Variants in ZNF503 observed in about 807,000 individuals in gnomAD.
ZNF503 encodes the protein NocA-like zinc finger 2.
In ZNF503, 15 loss-of-function variants were observed where a neutral mutation model predicts 34.4. The observed-to-expected ratio is 0.44, with a 90% CI of 0.29 to 0.67. The LOEUF (loss-of-function observed/expected upper bound fraction) is 0.67. ZNF503 is among the 30% of genes least tolerant of loss of function. The pLI is 0.13. For missense variants in ZNF503, 1,007 were observed against 926.8 expected (o/e 1.09, Z -1.12); for synonymous variants, 580 against 456.8 (o/e 1.27, Z -3.44).
the ZNF503 span, among the ~76,000 whole-genome samples, chr10:75,356,200 G>T: frequency 1.3e-5 from 2 of 152,238 alleles, no homozygotes; most frequent in Non-Finnish European, 2.9e-5. Flanking sequence ...ATACTATAGT[G>T]AACCTTTTTT....
the ZNF503 span, chr10:75,382,898 G>A: frequency 2.1e-5 from 5 of 242,828 alleles, no homozygotes; most frequent in Admixed American, 4.3e-5. Flanking sequence ...AGCTGGTGCC[G>A]CTGGTCCAGC....
the ZNF503 span, among the ~76,000 whole-genome samples, chr10:75,325,164 A>C: frequency 6.6e-6 from 1 of 152,076 alleles, no homozygotes; most frequent in African/African-American, 2.4e-5. Flanking sequence ...GTTGAGGTTC[A>C]TTATTCTAGA....
the ZNF503 span, among the ~76,000 whole-genome samples, chr10:75,317,906 G>T: frequency 6.6e-6 from 1 of 152,138 alleles, no homozygotes; most frequent in Non-Finnish European, 1.5e-5. Context: ...TGAGGCAGGA[G>T]AATCTCTTGA....
At chr10:75,287,780 G>A in the ZNF503 span, among the ~76,000 whole-genome samples, 84 of 152,304 alleles carry the variant, frequency 5.5e-4, no homozygotes, top group South Asian at 0.017. Flanking sequence ...GGCTGCCAAA[G>A]CTATGACCTC....
At chr10:75,329,498 T>C in the ZNF503 span, among the ~76,000 whole-genome samples, 16 of 151,440 alleles carry the variant, frequency 1.1e-4, no homozygotes, top group Non-Finnish European at 2.2e-4. Flanking sequence ...AGAGTTTAGC[T>C]CTGTTGCCCA....
chr10:75,393,886 A>G (rs1843670059), downstream of ZNF503, among the ~76,000 whole-genome samples: 1 of 152,192 alleles, frequency 6.6e-6, no homozygotes, highest in Admixed American at 6.5e-5. Flanking sequence ...ACAAAAAGAA[A>G]AAAGAAAAAA....
chr10:75,391,428 A>G, the ZNF503 span, among the ~76,000 whole-genome samples: 1 of 152,192 alleles, frequency 6.6e-6, no homozygotes, highest in Admixed American at 6.5e-5. Context: ...GGGTTGGCAG[A>G]ACTGAAGACA....
chr10:75,312,318 A>C, the ZNF503 span, among the ~76,000 whole-genome samples: 1 of 152,224 alleles, frequency 6.6e-6, no homozygotes, highest in African/African-American at 2.4e-5. Context: ...AAAATACAAT[A>C]ACTAAAATAA....
chr10:75,286,859 A>G, the ZNF503 span, among the ~76,000 whole-genome samples: 1 of 152,180 alleles, frequency 6.6e-6, no homozygotes, highest in Non-Finnish European at 1.5e-5. Context: ...GAAGCCACAC[A>G]TCCTCATAGT....
downstream of ZNF503, among the ~76,000 whole-genome samples, chr10:75,395,787 C>T (rs1331892704): frequency 1.3e-5 from 2 of 152,322 alleles, no homozygotes; most frequent in East Asian, 3.9e-4. The surrounding 1 kb of genome is among the most constrained non-coding windows in gnomAD (Gnocchi z 4.4). Context: ...TAGCTGCTCC[C>T]GGAAGGAGTT....
chr10:75,363,654 T>C, the ZNF503 span, among the ~76,000 whole-genome samples: 4 of 152,234 alleles, frequency 2.6e-5, no homozygotes, highest in Non-Finnish European at 1.5e-5. Flanking sequence ...CATGATGAAG[T>C]AAATGGCTGT....
At chr10:75,338,215 C>G in the ZNF503 span, 1 of 151,974 alleles carries the variant, frequency 6.6e-6, no homozygotes, top group South Asian at 2.1e-4. Context: ...TGCTATATTC[C>G]CTGCATTACA....
At chr10:75,371,225 G>T in the ZNF503 span, among the ~76,000 whole-genome samples, 1 of 152,114 alleles carries the variant, frequency 6.6e-6, no homozygotes, top group African/African-American at 2.4e-5. Flanking sequence ...CAGCACCCCT[G>T]GTCCACAGAG....
At chr10:75,350,742 C>G in the ZNF503 span, among the ~76,000 whole-genome samples, 4 of 152,046 alleles carry the variant, frequency 2.6e-5, no homozygotes, top group Non-Finnish European at 5.9e-5. Flanking sequence ...TCTCTAGAGA[C>G]AGGGTTTCAC....
the ZNF503 span, among the ~76,000 whole-genome samples, chr10:75,317,573 C>T: frequency 6.6e-6 from 1 of 152,086 alleles, no homozygotes. Context: ...GCATGAGCCA[C>T]TGCTCCCGGC....
chr10:75,392,047 G>T, the ZNF503 span, among the ~76,000 whole-genome samples: 1 of 152,196 alleles, frequency 6.6e-6, no homozygotes, highest in African/African-American at 2.4e-5. Context: ...GAACTTTTGT[G>T]TTGCTGGTAA....
the ZNF503 span, among the ~76,000 whole-genome samples, chr10:75,386,869 A>G: frequency 3.9e-5 from 6 of 152,230 alleles, no homozygotes; most frequent in African/African-American, 1.4e-4. Flanking sequence ...ACATGTTTCT[A>G]CTGGAGTTCA....
At chr10:75,384,244 GAC>G in the ZNF503 span, among the ~76,000 whole-genome samples, 5 of 151,778 alleles carry the variant, frequency 3.3e-5, no homozygotes, top group Non-Finnish European at 4.4e-5. Context: ...TGATGGTGCA[GAC>G]ACACACACAC....
the ZNF503 span, among the ~76,000 whole-genome samples, chr10:75,290,917 C>G: frequency 6.6e-6 from 1 of 152,130 alleles, no homozygotes. Context: ...TACAAAGGGA[C>G]CATTTCAATT....
Sources: allele counts gnomAD v4.1 joint callset (sites outside exome capture counted in the v4.1 genomes callset), GRCh38; gene constraint gnomAD v4.1.1; non-coding constraint Gnocchi (gnomAD v3.1); transcripts MANE v1.5; gene names NCBI Gene and HGNC (gene_info 2026-07-23, HGNC 2026-07-21).